The following RASA2 variants were observed in gnomAD, a reference collection of about 807,000 sequenced individuals.
RASA2 encodes the protein RAS p21 protein activator 2, also known as ras GTPase-activating protein 2.
RASA2 carries 155 observed loss-of-function variants against 118.2 expected under a neutral mutation model. The ratio of observed to expected loss-of-function variants is 1.31; its 90% CI spans 1.15 to 1.50. The LOEUF (loss-of-function observed/expected upper bound fraction) is 1.50. RASA2 is among the 40% of genes most tolerant of loss of function. RASA2 has a pLI of 0.00. For missense variants in RASA2, 1,016 were observed against 1,009.6 expected, an observed-to-expected ratio of 1.01 and a Z score of -0.09; for synonymous variants, 353 against 349.1, an observed-to-expected ratio of 1.01 and a Z score of -0.12.
At chr3:141,530,689 GATTA>G (rs1415899584) in intron 4 of RASA2, among the ~76,000 whole-genome samples, 3 of 152,070 alleles carry the variant, frequency 2.0e-5, no homozygotes, top group African/African-American at 7.2e-5. Context: ...CATTCTCTTT[GATTA>G]ATTATTAAAT....
chr3:141,608,534 A>G lies in RASA2; in HGVS notation c.2062A>G (p.Asn688Asp). 1.9e-6 allele frequency: 3 copies of G among 1,613,970 alleles called. No individual in the cohort carries two copies. The highest frequency in any genetic ancestry group is 2.5e-6 in the Non-Finnish European group (3 of 1,179,896). Residue 688 changes from asparagine to aspartate, a missense_variant, in exon 21 of 24, where the codon AAT becomes GAT. Asn to Asp is a conservative substitution (Grantham distance 23). Around this residue, in one of 2 missense-constraint regions of RASA2, gnomAD observed 896 missense variants for 836.4 expected, o/e 1.07. Transcript: ENST00000286364. ...GGAGAAACCACTCTATGTCCAGGCA[A>G]ATAACTGTGTAGAAGCTAATGAATG... ...HTEKPLYVQA[N>D]NCVEANEWID...
chr3:141,514,980 T>G (rs1225142879), intron 2 of RASA2, among the ~76,000 whole-genome samples: 1 of 152,064 alleles, frequency 6.6e-6, no homozygotes, highest in Non-Finnish European at 1.5e-5. Context: ...ACATCACAGG[T>G]TGGGGCAGGT....
chr3:141,504,948 G>A (rs538118086), intron 1 of RASA2, among the ~76,000 whole-genome samples: 161 of 152,020 alleles, frequency 1.1e-3, no homozygotes, highest in African/African-American at 3.7e-3. Flanking sequence ...CTGCCTGTCC[G>A]TCTCCTTCCC....
At chr3:141,505,078 A>G (rs1008821030) in intron 1 of RASA2, among the ~76,000 whole-genome samples, 3 of 151,908 alleles carry the variant, frequency 2.0e-5, no homozygotes, top group African/African-American at 7.3e-5. Flanking sequence ...CCCTGTCTCT[A>G]CCCTCTGGGC....
chr3:141,505,679 G>A (rs952218620), intron 1 of RASA2, among the ~76,000 whole-genome samples: 1 of 152,144 alleles, frequency 6.6e-6, no homozygotes, highest in Non-Finnish European at 1.5e-5. Flanking sequence ...TTTAGATTTT[G>A]TCCTGTCAAG....
At chr3:141,506,845 A>G (rs1208529114) in intron 1 of RASA2, among the ~76,000 whole-genome samples, 2 of 151,202 alleles carry the variant, frequency 1.3e-5, no homozygotes, top group East Asian at 1.9e-4. Flanking sequence ...GAGTCCAGGA[A>G]GGCGAGGCTG....
intron 19 of RASA2, among the ~76,000 whole-genome samples, chr3:141,601,252 C>T (rs2083457868): frequency 6.6e-6 from 1 of 152,044 alleles, no homozygotes; most frequent in Admixed American, 6.5e-5. Flanking sequence ...TATGGTGAAA[C>T]CCCGTTTGTA....
intron 9 of RASA2, among the ~76,000 whole-genome samples, chr3:141,568,304 A>C (rs115019359): frequency 6.6e-6 from 1 of 152,122 alleles, no homozygotes; most frequent in African/African-American, 2.4e-5. Context: ...ATATGATAAC[A>C]TTTTTGTAAA....
chr3:141,592,252 A>C (rs1191235517), intron 19 of RASA2, among the ~76,000 whole-genome samples: 2 of 152,182 alleles, frequency 1.3e-5, no homozygotes, highest in Non-Finnish European at 2.9e-5. Context: ...ATGGTCGGGG[A>C]GTGAACCATG....
intron 5 of RASA2, among the ~76,000 whole-genome samples, chr3:141,541,034 A>G (rs1220726594): frequency 6.6e-6 from 1 of 151,612 alleles, no homozygotes; most frequent in African/African-American, 2.4e-5. Flanking sequence ...TACCTCTTCC[A>G]CCCTCAAGTC....
intron 19 of RASA2, among the ~76,000 whole-genome samples, chr3:141,606,021 G>A (rs115888345): frequency 0.013 from 2,033 of 152,230 alleles, 60 homozygotes; most frequent in African/African-American, 0.046. Flanking sequence ...GTTGACTGCT[G>A]CTTAGCACAA....
rs143678418 is a variant in RASA2, at chr3:141,564,432, A to G, written c.863+4437A>G. Among the ~76,000 whole-genome samples, 365 of 152,340 alleles carry G rather than the reference A, an allele frequency of 2.4e-3. 5 individuals carry two copies. Among genetic ancestry groups the G allele is most frequent in the Non-Finnish European group, 1.3e-3 (89 of 68,026 alleles). ...TACAAGTAATGTTAATCTACTGTGCATGGAAAACATTAGTTCAATAGGAGG... is the reference window on the plus strand; with the variant it reads ...TACAAGTAATGTTAATCTACTGTGCGTGGAAAACATTAGTTCAATAGGAGG... On this transcript the variant is annotated intron_variant, in intron 9 of 23. Coordinates refer to ENST00000286364, the MANE Select transcript of RASA2 (RefSeq NM_006506.5).
intron 13 of RASA2, 31 bp downstream of exon 13, chr3:141,573,252 A>G (rs1257506294): frequency 2.0e-6 from 3 of 1,525,550 alleles, no homozygotes; most frequent in Admixed American, 2.5e-5. Context: ...TTATAATTGC[A>G]TTAAAATTGG....
At chr3:141,531,829 ATGT>A (rs775013755) in intron 4 of RASA2, among the ~76,000 whole-genome samples, 20 of 152,074 alleles carry the variant, frequency 1.3e-4, no homozygotes, top group African/African-American at 4.6e-4. Context: ...ACCATTGAAA[ATGT>A]TGTTGTCCCA....
At chr3:141,578,788 A>G (rs948977467) in intron 15 of RASA2, 13 of 152,212 alleles carry the variant, frequency 8.5e-5, no homozygotes, top group Non-Finnish European at 1.8e-4. Flanking sequence ...TTGAATTTGC[A>G]TATTCCTGTA....
chr3:141,597,325 C>T (rs749058395), intron 19 of RASA2, among the ~76,000 whole-genome samples: 4 of 152,266 alleles, frequency 2.6e-5, no homozygotes, highest in Admixed American at 6.5e-5. Flanking sequence ...CAAAAAATTA[C>T]GCTAAGTGAA....
Position 141,529,776 on chromosome 3 carries a change from C to T in RASA2, c.424C>T (p.Pro142Ser), listed in dbSNP as rs1433891316. ...CAAAGAAACTTGGTTTTCATTACAG[C>T]CTGTTGACTCCAATTCAGAGGTTCA... The part of the protein sequence containing the change: ...SGKETWFSLQ[P>S]VDSNSEVQGK... The change falls in exon 4 of 24, where the codon CCT becomes TCT. Residue 142 changes from proline (P) to serine (S), a missense_variant. Transcript: ENST00000286364. 1 of 1,609,864 alleles carries T rather than the reference C, an allele frequency of 6.2e-7. No homozygotes were observed. The highest frequency in any genetic ancestry group is 8.5e-7 in the Non-Finnish European group (1 of 1,176,622).
intron 19 of RASA2, chr3:141,587,004 A>G (rs1479855971): frequency 6.3e-6 from 3 of 476,750 alleles, no homozygotes; most frequent in South Asian, 2.1e-5. Context: ...CTAAAAATCC[A>G]TAGTAATCCA....
chr3:141,510,211 C>T (rs1187750961), intron 1 of RASA2, among the ~76,000 whole-genome samples: 2 of 152,120 alleles, frequency 1.3e-5, no homozygotes, highest in African/African-American at 4.8e-5. Context: ...TGTCTGAAGT[C>T]ATACAGCCAC....
Sources: gnomAD v4.1 joint callset for allele counts (sites outside exome capture counted in the v4.1 genomes callset) on GRCh38, gnomAD v4.1.1 for gene constraint, gnomAD v4.1.1 regional missense constraint, MANE v1.5 for transcripts, NCBI Gene and HGNC (gene_info 2026-07-23, HGNC 2026-07-21) for gene names.